The following TENM2 variants were observed in gnomAD, a reference collection of about 807,000 sequenced individuals.
TENM2 encodes the protein teneurin-2.
A neutral mutation model predicts 245.2 loss-of-function variants in TENM2; 52 were observed. The ratio of observed to expected loss-of-function variants is 0.21; its 90% confidence interval spans 0.17 to 0.27. TENM2 has a LOEUF of 0.27. TENM2 is among the 10% of genes least tolerant of loss of function. TENM2 has a pLI of 1.00. For synonymous variants in TENM2, 1,363 were observed against 1,438.9 expected, an observed-to-expected ratio of 0.95 and a Z score of 1.19; for missense variants, 3,046 against 3,666.8, an observed-to-expected ratio of 0.83 and a Z score of 4.37.
intron 5 of TENM2, among the ~76,000 whole-genome samples, chr5:168,036,015 T>C (rs138039343): frequency 6.6e-6 from 1 of 152,298 alleles, no homozygotes; most frequent in Non-Finnish European, 1.5e-5. Context: ...CAAACGTGCC[T>C]ATCTTTCTTT....
chr5:167,706,596 C>T (rs1216972633), intron 2 of TENM2, among the ~76,000 whole-genome samples: 5 of 151,930 alleles, frequency 3.3e-5, no homozygotes, highest in African/African-American at 7.3e-5. Flanking sequence ...TTTTCAATTC[C>T]TTTGAATATT....
At chr5:167,124,602 G>C in the TENM2 span, among the ~76,000 whole-genome samples, 1 of 151,830 alleles carries the variant, frequency 6.6e-6, no homozygotes, top group African/African-American at 2.4e-5. Context: ...TCTTTCCTTT[G>C]GTAAAACTCT....
chr5:167,607,414 A>T (rs551653902), intron 2 of TENM2, among the ~76,000 whole-genome samples: 2 of 152,300 alleles, frequency 1.3e-5, no homozygotes, highest in East Asian at 3.9e-4. Context: ...ATATAAACAA[A>T]ACAAAAACAA....
chr5:167,363,678 A>C (rs58489073), intron 1 of TENM2, among the ~76,000 whole-genome samples: 3,855 of 142,320 alleles, frequency 0.027, 168 homozygotes, highest in African/African-American at 0.093. Flanking sequence ...TTGCAGTGAG[A>C]CGAGATTGGG....
chr5:168,031,775 GGGAGGGAA>G (rs1254714360), intron 5 of TENM2, among the ~76,000 whole-genome samples: 11 of 146,652 alleles, frequency 7.5e-5, no homozygotes, highest in African/African-American at 1.8e-4. Context: ...AAGGGAAGGA[GGGAGGGAA>G]GGAGGGAAGG....
At chr5:167,182,337 A>C in the TENM2 span, among the ~76,000 whole-genome samples, 1 of 152,090 alleles carries the variant, frequency 6.6e-6, no homozygotes, top group Non-Finnish European at 1.5e-5. Context: ...TCCATTAAGC[A>C]TTAAATAAAT....
chr5:167,259,999 C>T, the TENM2 span, among the ~76,000 whole-genome samples: 1 of 152,142 alleles, frequency 6.6e-6, no homozygotes, highest in Admixed American at 6.6e-5. Flanking sequence ...TGGTCACCTA[C>T]AGATTCAGGA....
intron 3 of TENM2, among the ~76,000 whole-genome samples, chr5:167,891,370 A>C (rs1440610275): frequency 6.6e-6 from 1 of 152,000 alleles, no homozygotes; most frequent in Non-Finnish European, 1.5e-5. Flanking sequence ...CAGCCTTCCC[A>C]GTTGAAGTGA....
At chr5:167,676,368 C>T (rs758570364) in intron 2 of TENM2, among the ~76,000 whole-genome samples, 9 of 152,012 alleles carry the variant, frequency 5.9e-5, no homozygotes, top group East Asian at 1.9e-4. Context: ...GCTGTCAAAA[C>T]GCAAGATGTG....
At chr5:168,226,538 GC>G (rs1208431129) in intron 24 of TENM2, among the ~76,000 whole-genome samples, 6 of 151,570 alleles carry the variant, frequency 4.0e-5, no homozygotes, top group East Asian at 1.9e-4. Context: ...ATTTCCACCC[GC>G]CCCCCACATA....
chr5:168,262,155 C>T, exon 29 of TENM2: 1 of 1,613,600 alleles, frequency 6.2e-7, no homozygotes, highest in Non-Finnish European at 8.5e-7. Context: ...CGAGAGAAAG[C>T]AGGTCACTGG....
intron 9 of TENM2, among the ~76,000 whole-genome samples, chr5:168,110,655 G>A (rs1427144054): frequency 6.6e-6 from 1 of 152,164 alleles, no homozygotes; most frequent in East Asian, 1.9e-4. Flanking sequence ...CCAACAACTT[G>A]CAAATTCATC....
At chr5:167,918,795 C>T (rs1307816175) in intron 3 of TENM2, among the ~76,000 whole-genome samples, 3 of 145,602 alleles carry the variant, frequency 2.1e-5, no homozygotes, top group African/African-American at 7.7e-5. Flanking sequence ...TTTTTTGTAG[C>T]CTGTAGGCAC....
chr5:167,622,107 C>A (rs1375406150), intron 2 of TENM2, among the ~76,000 whole-genome samples: 1 of 152,064 alleles, frequency 6.6e-6, no homozygotes, highest in Non-Finnish European at 1.5e-5. Context: ...TACATACTTG[C>A]AATTTATCTT....
In TENM2 at chr5:167,812,513, A is replaced by C. The variant is rs767194905; in HGVS notation, c.503-63473A>C. Among the ~76,000 whole-genome samples the C allele has an allele frequency of 1.1e-4, 17 of 152,142 alleles. No individual in the cohort carries two copies. The East Asian group carries it at 3.1e-3, about 28-fold the overall frequency. On this transcript the variant is annotated intron_variant, in intron 2 of 28. Transcript: ENST00000518659. ...AAGAATGAAGCTTTTTATTTCTTTA[A>C]TTTATTGGTGAATGCTGCTCGTGGA...
chr5:167,500,219 G>A (rs1009249343), intron 2 of TENM2, among the ~76,000 whole-genome samples: 6 of 152,062 alleles, frequency 3.9e-5, no homozygotes, highest in African/African-American at 1.4e-4. Context: ...AGCAGACGTG[G>A]CAGAGTTGAA....
chr5:168,147,277 G>A (rs1214381181), intron 12 of TENM2, among the ~76,000 whole-genome samples: 1 of 152,218 alleles, frequency 6.6e-6, no homozygotes, highest in Non-Finnish European at 1.5e-5. Flanking sequence ...ATATTCACCA[G>A]AGAACTGAGT....
At chr5:168,257,893 C>G (rs1047751421) in intron 27 of TENM2, among the ~76,000 whole-genome samples, 8 of 152,108 alleles carry the variant, frequency 5.3e-5, no homozygotes, top group Admixed American at 3.9e-4. Flanking sequence ...GAATTACAGG[C>G]GTGAGCCACC....
intron 25 of TENM2, among the ~76,000 whole-genome samples, chr5:168,228,703 G>A (rs577403354): frequency 2.3e-4 from 18 of 79,924 alleles, no homozygotes; most frequent in African/African-American, 3.6e-4. Flanking sequence ...ATCCCAGAGG[G>A]ATGCCACTCA....
Sources: allele counts gnomAD v4.1 joint callset (sites outside exome capture counted in the v4.1 genomes callset), GRCh38; gene constraint gnomAD v4.1.1; transcripts MANE v1.5; gene names NCBI Gene and HGNC (gene_info 2026-07-23, HGNC 2026-07-21).